The following GIGYF2 variants were observed in gnomAD, a reference collection of about 807,000 sequenced individuals.
GIGYF2 encodes the protein GRB10-interacting GYF protein 2.
In GIGYF2, 25 loss-of-function variants were observed where a neutral mutation model predicts 208.1. That is an observed-to-expected ratio of 0.12 (90% CI 0.09 to 0.17). GIGYF2 has a LOEUF of 0.17. Ranked by LOEUF, GIGYF2 falls within the 10% of genes least tolerant of loss-of-function variation. GIGYF2 has a pLI of 1.00. For missense variants in GIGYF2, 1,302 were observed against 1,579.4 expected (o/e 0.82, Z 2.98); for synonymous variants, 534 against 543.8 (o/e 0.98, Z 0.25).
At chr2:232,754,994 T>C (rs910794958) in intron 5 of GIGYF2, among the ~76,000 whole-genome samples, 1 of 152,154 alleles carries the variant, frequency 6.6e-6, no homozygotes, top group Non-Finnish European at 1.5e-5. Context: ...GACCTATTTA[T>C]TACAACACAT....
intron 12 of GIGYF2, among the ~76,000 whole-genome samples, chr2:232,791,991 A>T (rs927472975): frequency 6.6e-6 from 1 of 152,174 alleles, no homozygotes; most frequent in East Asian, 1.9e-4. Flanking sequence ...TCTTGTACGT[A>T]TTTAAAAATG....
chr2:232,704,744 A>G, intron 2 of GIGYF2, among the ~76,000 whole-genome samples: 1 of 151,650 alleles, frequency 6.6e-6, no homozygotes, highest in East Asian at 1.9e-4. Context: ...GGAGGTTCAG[A>G]GGAGTGGCTG....
chr2:232,784,598 G>GCCAGGATGAT (rs140365931), intron 8 of GIGYF2, among the ~76,000 whole-genome samples: 2,335 of 151,400 alleles, frequency 0.015, 32 homozygotes, highest in South Asian at 0.037. Flanking sequence ...CATCGTGTTA[G>GCCAGGATGAT]CTTGATCTGA....
chr2:232,771,243 A>G, intron 8 of GIGYF2: 2 of 1,610,164 alleles, frequency 1.2e-6, no homozygotes, highest in Non-Finnish European at 1.7e-6. Flanking sequence ...CATCTCGAAG[A>G]TATGCAAGAC....
At chr2:232,716,646 G>T (rs756755632) in intron 2 of GIGYF2, among the ~76,000 whole-genome samples, 7 of 151,986 alleles carry the variant, frequency 4.6e-5, no homozygotes, top group Non-Finnish European at 7.4e-5. Flanking sequence ...GCCTCCCAAA[G>T]TGCTGGGATT....
chr2:232,715,683 A>G (rs1297596708), intron 2 of GIGYF2, among the ~76,000 whole-genome samples: 2 of 152,154 alleles, frequency 1.3e-5, no homozygotes, highest in East Asian at 1.9e-4. Flanking sequence ...TCATCAGTAA[A>G]TGTGTTAACA....
chr2:232,725,166 C>T lies in GIGYF2; in HGVS notation c.-43-9989C>T, dbSNP rs562655402. Reference sequence around the variant, plus strand: ...ATTGAATTCATTCTCCTCCAGGTAACTATCCTCAGTCATCTTTCTAAAGTA... The same window carrying T: ...ATTGAATTCATTCTCCTCCAGGTAATTATCCTCAGTCATCTTTCTAAAGTA... On this transcript the variant is annotated intron_variant, in intron 2 of 28. Coordinates refer to ENST00000373563, the MANE Select transcript of GIGYF2 (RefSeq NM_001103146.3). Among the ~76,000 whole-genome samples the T allele has an allele frequency of 3.3e-5, 5 of 152,288 alleles. No individual in the cohort carries two copies. The South Asian group carries it at 1.0e-3, about 32-fold the overall frequency.
chr2:232,756,201 T>C (rs1431115401), intron 5 of GIGYF2, 22 bp from the exon 6 acceptor site: 18 of 936,548 alleles, frequency 1.9e-5, no homozygotes, highest in East Asian at 3.9e-5. Flanking sequence ...TTTTCTCTTT[T>C]TTTTTTTTTT....
chr2:232,848,192 G>A (rs774094414), intron 27 of GIGYF2, among the ~76,000 whole-genome samples: 1 of 152,110 alleles, frequency 6.6e-6, no homozygotes, highest in African/African-American at 2.4e-5. Flanking sequence ...TTTAATATAT[G>A]TTGATTCATT....
At position 232,857,200 on chromosome 2, in the gene GIGYF2, G is replaced by T; in HGVS notation, c.*340G>T. The T allele has an allele frequency of 2.7e-6, 1 of 376,230 alleles. No individual in the cohort carries two copies. Among genetic ancestry groups the T allele is most frequent in the Admixed American group, 4.3e-5 (1 of 23,422 alleles). 23.3% of individuals were successfully genotyped at this position (376,230 alleles called of 1,614,324 possible). On this transcript the variant is annotated 3_prime_UTR_variant, in exon 29 of 29. Coordinates refer to ENST00000373563, the MANE Select transcript of GIGYF2 (RefSeq NM_001103146.3). ...AGTGTGTTGGGATCGGCCATTAGCA[G>T]CTTGCTTTCTCTTGTCACTTTTTTT...
At chr2:232,842,519 G>A (rs901062151) in intron 23 of GIGYF2, among the ~76,000 whole-genome samples, 2 of 152,002 alleles carry the variant, frequency 1.3e-5, no homozygotes, top group Admixed American at 1.3e-4. Flanking sequence ...CTATTTTGCC[G>A]TTCTCTTATT....
At chr2:232,736,170 T>C (rs1697723529) in intron 3 of GIGYF2, 1 of 981,296 alleles carries the variant, frequency 1.0e-6, no homozygotes, top group African/African-American at 1.7e-5. Context: ...GAAATCACTA[T>C]TTGAAGTTCT....
chr2:232,796,311 T>TAG (rs1700221352), intron 14 of GIGYF2, 90 bp downstream of exon 14: 1 of 902,374 alleles, frequency 1.1e-6, no homozygotes, highest in South Asian at 1.3e-5. Context: ...TAAATTATAG[T>TAG]AGAAAAAGAA....
At chr2:232,759,004 C>A (rs1366321282) in intron 6 of GIGYF2, among the ~76,000 whole-genome samples, 1 of 152,140 alleles carries the variant, frequency 6.6e-6, no homozygotes, top group African/African-American at 2.4e-5. Context: ...TATAGTTCCA[C>A]CGTGCTTCTC....
At chr2:232,784,382 A>ATTTTTTTTTTTTT (rs1360964345) in intron 8 of GIGYF2, among the ~76,000 whole-genome samples, 2 of 70,418 alleles carry the variant, frequency 2.8e-5, no homozygotes, top group Non-Finnish European at 5.3e-5. Context: ...ACACGAAATA[A>ATTTTTTTTTTTTT]TTTCTTTTTT....
intron 28 of GIGYF2, 109 bp from the exon 29 acceptor site, chr2:232,856,684 C>G: frequency 1.2e-6 from 1 of 802,054 alleles, no homozygotes; most frequent in Non-Finnish European, 2.3e-6. Flanking sequence ...AGAGTGAAAC[C>G]CTGTCTCACA....
At chr2:232,821,766 A>C (rs999313347) in intron 21 of GIGYF2, among the ~76,000 whole-genome samples, 1 of 152,140 alleles carries the variant, frequency 6.6e-6, no homozygotes, top group Admixed American at 6.5e-5. Context: ...CCTACAGATT[A>C]TTAAAATATC....
chr2:232,822,952 C>T (rs537801599), intron 21 of GIGYF2, among the ~76,000 whole-genome samples: 60 of 152,062 alleles, frequency 3.9e-4, no homozygotes, highest in Middle Eastern at 3.4e-3. Flanking sequence ...TGAAAATGTC[C>T]GGTATTTCAC....
intron 5 of GIGYF2, among the ~76,000 whole-genome samples, chr2:232,752,719 T>C (rs1698383012): frequency 6.6e-6 from 1 of 152,056 alleles, no homozygotes; most frequent in South Asian, 2.1e-4. Flanking sequence ...TTTTTGTATT[T>C]TTAGTAGAGA....
Sources: allele counts gnomAD v4.1 joint callset (sites outside exome capture counted in the v4.1 genomes callset), GRCh38; gene constraint gnomAD v4.1.1; transcripts MANE v1.5; gene names NCBI Gene and HGNC (gene_info 2026-07-23, HGNC 2026-07-21).